The following NSUN4 variants were observed in gnomAD, a reference collection of about 807,000 sequenced individuals.
NSUN4 encodes 5-cytosine rRNA methyltransferase NSUN4.
NSUN4 carries 31 observed loss-of-function variants against 43.8 expected under a neutral mutation model. The ratio of observed to expected loss-of-function variants is 0.71; its 90% CI spans 0.53 to 0.96. NSUN4 has a LOEUF of 0.96. Among genes scored for constraint, NSUN4 ranks in the 40% least tolerant of loss-of-function variants. The pLI is 0.00. For synonymous variants in NSUN4, 167 were observed against 184.1 expected, an observed-to-expected ratio of 0.91 and a Z score of 0.75; for missense variants, 439 against 475.6, an observed-to-expected ratio of 0.92 and a Z score of 0.72.
At chr1:46,361,326 C>G (rs1557745067) in intron 5 of NSUN4, among the ~76,000 whole-genome samples, 1 of 152,106 alleles carries the variant, frequency 6.6e-6, no homozygotes, top group Non-Finnish European at 1.5e-5. Flanking sequence ...GGTCCATAAA[C>G]AAGAGCTCAG....
intron 1 of NSUN4, chr1:46,341,809 G>A (rs1020242207): frequency 1.6e-6 from 2 of 1,232,522 alleles, no homozygotes; most frequent in Non-Finnish European, 2.0e-6. Flanking sequence ...CTCTGTCAGC[G>A]GACACCTTAT....
At chr1:46,370,562 T>C in the NSUN4 span, 5 of 151,472 alleles carry the variant, frequency 3.3e-5, no homozygotes, top group African/African-American at 9.8e-5. Flanking sequence ...TTTTTTTTTT[T>C]TCCAGATTCA....
Position 46,353,029 on chromosome 1 carries a change from G to T in NSUN4, c.753+1G>T. The T allele has an allele frequency of 1.2e-6, 2 of 1,613,956 alleles. No individual in the cohort carries two copies. Among genetic ancestry groups the T allele is most frequent in the Non-Finnish European group, 1.7e-6 (2 of 1,179,914 alleles). On this transcript the variant is annotated splice_donor_variant, in intron 4 of 5. Transcript: ENST00000474844. LOFTEE classifies it high-confidence loss of function. Reference sequence around the variant, plus strand: ...ACTGGAGGGGGACACCTATGACCGGGTGAGTGATTCTTGATTTAGGACATG... The same window carrying T: ...ACTGGAGGGGGACACCTATGACCGGTTGAGTGATTCTTGATTTAGGACATG...
chr1:46,378,905 G>A, the NSUN4 span, among the ~76,000 whole-genome samples: 1 of 152,200 alleles, frequency 6.6e-6, no homozygotes, highest in Non-Finnish European at 1.5e-5. Context: ...TATGGCAGTG[G>A]CAGGGTTCCA....
intron 3 of NSUN4, among the ~76,000 whole-genome samples, chr1:46,349,285 A>T (rs5013326): frequency 0.22 from 33,923 of 151,182 alleles, 4,244 homozygotes; most frequent in Non-Finnish European, 0.29. Context: ...GACCACGGGC[A>T]CCCGCCACCA....
intron 1 of NSUN4, chr1:46,342,493 C>A: frequency 2.5e-6 from 1 of 399,126 alleles, no homozygotes; most frequent in South Asian, 1.3e-4. Context: ...TCTCCTTGCT[C>A]ACCCCAGTCC....
the NSUN4 span, among the ~76,000 whole-genome samples, chr1:46,383,495 G>A: frequency 5.0e-4 from 66 of 132,652 alleles, no homozygotes; most frequent in African/African-American, 1.8e-3. Flanking sequence ...TCGCTCTGTC[G>A]CCCAGGCTGG....
chr1:46,376,780 T>C, the NSUN4 span, among the ~76,000 whole-genome samples: 7 of 151,562 alleles, frequency 4.6e-5, no homozygotes, highest in African/African-American at 7.3e-5. Context: ...TTTTTTGAGA[T>C]GGAGTCTTAC....
intron 3 of NSUN4, among the ~76,000 whole-genome samples, chr1:46,350,467 A>G (rs1662896808): frequency 6.6e-6 from 1 of 152,178 alleles, no homozygotes; most frequent in African/African-American, 2.4e-5. Context: ...CGCATTCTTT[A>G]CCATTCCCAC....
intron 1 of NSUN4, chr1:46,341,400 G>A (rs1051265002): frequency 1.0e-6 from 1 of 1,004,680 alleles, no homozygotes; most frequent in African/African-American, 1.7e-5. Flanking sequence ...TTGCAGGAAA[G>A]GATTCAGCCC....
intron 3 of NSUN4, among the ~76,000 whole-genome samples, chr1:46,347,553 A>G (rs1344408226): frequency 1.3e-5 from 2 of 152,204 alleles, no homozygotes; most frequent in Non-Finnish European, 2.9e-5. Context: ...TTCTCTGTCA[A>G]TTGGTCAAGA....
Position 46,345,054 on chromosome 1 carries a change from C to T in NSUN4, c.347C>T (p.Ala116Val), listed in dbSNP as rs752374069. 71 of 1,614,064 alleles carry T rather than the reference C, an allele frequency of 4.4e-5. No homozygotes were observed. Among genetic ancestry groups the T allele is most frequent in the Non-Finnish European group, 6.0e-5 (71 of 1,180,032 alleles). ...CTGCAGTCTGAGGGTGGCCAATCTG[C>T]AGCCCCATCCCCTGCCTCCTGGGCC... is the stretch of plus-strand genomic sequence containing the variant. ...WELQSEGGQS[A>V]APSPASWACS... The change falls in exon 2 of 6, where the codon GCA becomes GTA. Residue 116 changes from alanine (A) to valine (V), a missense_variant. Ala to Val is a moderately conservative substitution (Grantham distance 64, BLOSUM62 0). Transcript: ENST00000474844.
At chr1:46,349,067 C>A (rs1273511107) in intron 3 of NSUN4, among the ~76,000 whole-genome samples, 5 of 151,652 alleles carry the variant, frequency 3.3e-5, no homozygotes, top group African/African-American at 9.7e-5. Flanking sequence ...CCCACCTCGG[C>A]CTCCCAAAGT....
Position 46,340,867 on chromosome 1 carries a change from A to C in NSUN4, c.41A>C (p.Lys14Thr), listed in dbSNP as rs1288339371. 1 of 1,613,660 alleles carries C rather than the reference A, an allele frequency of 6.2e-7. No individual in the cohort carries two copies. Among genetic ancestry groups the C allele is most frequent in the African/African-American group, 1.3e-5 (1 of 75,038 alleles). ...CTGAGGGGTGTCCGGGAGCTGCTGAAGCGTGTGGACCTCGCGACGGTCCCG... is the reference window on the plus strand; with the variant it reads ...CTGAGGGGTGTCCGGGAGCTGCTGACGCGTGTGGACCTCGCGACGGTCCCG... ...LTLRGVRELL[K>T]RVDLATVPRR... Residue 14 changes from lysine (K) to threonine (T), a missense_variant, in exon 1 of 6, where the codon AAG becomes ACG. Lys to Thr is a moderately conservative substitution (Grantham distance 78). Transcript: ENST00000474844.
chr1:46,373,039 A>G, the NSUN4 span, among the ~76,000 whole-genome samples: 1 of 152,094 alleles, frequency 6.6e-6, no homozygotes, highest in East Asian at 1.9e-4. Flanking sequence ...CATTTCTAAC[A>G]AGGATGGCCT....
chr1:46,343,829 G>T (rs1297306272), intron 1 of NSUN4: 3 of 400,634 alleles, frequency 7.5e-6, no homozygotes, highest in Non-Finnish European at 1.3e-5. Flanking sequence ...CGGAGCAAGA[G>T]TCCCCAACAT....
chr1:46,384,887 C>T, the NSUN4 span, among the ~76,000 whole-genome samples: 1 of 152,278 alleles, frequency 6.6e-6, no homozygotes, highest in East Asian at 1.9e-4. Context: ...AAGGTGGCCC[C>T]TGTGCTAAAA....
chr1:46,377,669 C>T, the NSUN4 span, among the ~76,000 whole-genome samples: 1 of 152,284 alleles, frequency 6.6e-6, no homozygotes, highest in East Asian at 1.9e-4. Context: ...ATAAAATTGC[C>T]ATTGCTGTGG....
intron 1 of NSUN4, chr1:46,343,795 G>A: frequency 2.5e-6 from 1 of 400,582 alleles, no homozygotes; most frequent in Non-Finnish European, 4.4e-6. Flanking sequence ...AAGAGCAAGA[G>A]TCTATGATGG....
Sources: allele counts gnomAD v4.1 joint callset (sites outside exome capture counted in the v4.1 genomes callset), GRCh38; gene constraint gnomAD v4.1.1; transcripts MANE v1.5; gene names NCBI Gene and HGNC (gene_info 2026-07-23, HGNC 2026-07-21).